The following ST3GAL4 variants were observed in gnomAD, a reference collection of about 807,000 sequenced individuals.
The protein encoded by ST3GAL4 is CMP-N-acetylneuraminate-beta-galactosamide-alpha-2,3-sialyltransferase 4.
Under a neutral mutation model 42.6 loss-of-function variants are expected in ST3GAL4, and 24 were observed. That is an observed-to-expected ratio of 0.56 (90% CI 0.41 to 0.79). The LOEUF (loss-of-function observed/expected upper bound fraction) is 0.79, where lower values mean the gene tolerates loss of function less well. ST3GAL4 is among the 30% of genes least tolerant of loss of function. The pLI is 0.00. For synonymous variants in ST3GAL4, 135 were observed against 163.2 expected (o/e 0.83, Z 1.32); for missense variants, 311 against 430.8 (o/e 0.72, Z 2.46).
In ST3GAL4 at chr11:126,378,965, A is replaced by G. The variant is rs781495361; in HGVS notation, c.-61+23123A>G. Among the ~76,000 whole-genome samples, 28 of 152,224 alleles carry G rather than the reference A, an allele frequency of 1.8e-4. No homozygotes were observed. Among genetic ancestry groups the G allele is most frequent in the Non-Finnish European group, 3.2e-4 (22 of 68,040 alleles). ...CACTGCCCAGATTTGGCCCAGTTCCATTCATGTTTTCTGTGCGTAGAGATA... is the reference window on the plus strand; with the variant it reads ...CACTGCCCAGATTTGGCCCAGTTCCGTTCATGTTTTCTGTGCGTAGAGATA... On this transcript the variant is annotated intron_variant, in intron 1 of 10. Transcript: ENST00000444328. This position sits in a 1 kb window ranked among gnomAD's most constrained non-coding sequence, Gnocchi z 5.3.
chr11:126,373,458 C>T lies in ST3GAL4; in HGVS notation c.-61+17616C>T, dbSNP rs1952726946. 6.6e-6 allele frequency among the ~76,000 whole-genome samples: 1 copy of T among 152,168 alleles called. No homozygotes were observed. Among genetic ancestry groups the T allele is most frequent in the Non-Finnish European group, 1.5e-5 (1 of 68,042 alleles). On this transcript the variant is annotated intron_variant, in intron 1 of 10. Transcript: ENST00000444328. The surrounding 1 kb of genome is among the most constrained non-coding windows in gnomAD (Gnocchi z 5.5). ...CTCCTCACACTGGCTTCAGCTTTCT[C>T]ACCCTCAGAATGGAATTCAAAGCCT...
At chr11:126,387,610 G>C (rs900892325) in intron 1 of ST3GAL4, among the ~76,000 whole-genome samples, 1 of 151,730 alleles carries the variant, frequency 6.6e-6, no homozygotes, top group Non-Finnish European at 1.5e-5. Context: ...CTGGTGGGTG[G>C]CTGCAGTGAG....
intron 1 of ST3GAL4, among the ~76,000 whole-genome samples, chr11:126,394,429 C>CT (rs1437858028): frequency 1.3e-5 from 2 of 152,166 alleles, no homozygotes; most frequent in Admixed American, 6.5e-5. Flanking sequence ...ATATGATTTT[C>CT]TTTTTTCTTT....
Position 126,414,179 on chromosome 11 carries a change from CT to C in ST3GAL4, c.*133del. On this transcript the variant is annotated 3_prime_UTR_variant, in exon 11 of 11. Coordinates refer to ENST00000444328, the MANE Select transcript of ST3GAL4 (RefSeq NM_001254757.2). Reference sequence around the variant, plus strand: ...CCCTCTTGGGGAGGGAGTTCTGGGCCTGGCCAGGTCTGAGATGAGGCCATGC... The same window carrying C: ...CCCTCTTGGGGAGGGAGTTCTGGGCCGGCCAGGTCTGAGATGAGGCCATGC... 1.2e-6 allele frequency: 1 copy of C among 836,562 alleles called. No homozygotes were observed. Among genetic ancestry groups the C allele is most frequent in the South Asian group, 1.5e-5 (1 of 66,980 alleles). 51.8% of individuals were successfully genotyped at this position (836,562 alleles called of 1,614,324 possible). A position where few individuals can be genotyped will look rare whatever the true frequency, so the allele number is the denominator to read the frequency against.
intron 1 of ST3GAL4, among the ~76,000 whole-genome samples, chr11:126,387,683 A>T (rs556497542): frequency 2.6e-5 from 4 of 152,222 alleles, no homozygotes; most frequent in African/African-American, 9.6e-5. Flanking sequence ...CAAAAAAAAA[A>T]AAAAAATTAT....
chr11:126,367,615 C>A (rs571238871), intron 1 of ST3GAL4, among the ~76,000 whole-genome samples: 1 of 152,316 alleles, frequency 6.6e-6, no homozygotes, highest in Non-Finnish European at 1.5e-5. Flanking sequence ...AGGCTCAGGA[C>A]ACCTCTGAGG....
intron 8 of ST3GAL4, 157 bp downstream of exon 8, chr11:126,408,653 C>G (rs1954381725): frequency 1.2e-6 from 1 of 863,814 alleles, no homozygotes; most frequent in Non-Finnish European, 1.7e-6. Flanking sequence ...AGGCTGCCCT[C>G]CAAGGGTGGT....
chr11:126,363,537 A>G lies in ST3GAL4; in HGVS notation c.-61+7695A>G, dbSNP rs1225910647. Among the ~76,000 whole-genome samples the G allele has an allele frequency of 1.3e-5, 2 of 152,154 alleles. No homozygotes were observed. Among genetic ancestry groups the G allele is most frequent in the African/African-American group, 4.8e-5 (2 of 41,428 alleles). On this transcript the variant is annotated intron_variant, in intron 1 of 10. Transcript: ENST00000444328. This position sits in a 1 kb window ranked among gnomAD's most constrained non-coding sequence, Gnocchi z 4.6. ...ATTTTCGAACAAAAATGGCTCTTCC[A>G]GGAGTTGAGTTTGGCGAAGAGACAG...
At position 126,411,515 on chromosome 11, in the gene ST3GAL4, G is replaced by T. The variant is rs906560119; in HGVS notation, c.772-1990G>T. Among the ~76,000 whole-genome samples, 8 of 152,084 alleles carry T rather than the reference G, an allele frequency of 5.3e-5. No individual in the cohort carries two copies. The highest frequency in any genetic ancestry group is 1.9e-4 in the African/African-American group (8 of 41,402). On this transcript the variant is annotated intron_variant, in intron 9 of 10. Transcript: ENST00000444328. The surrounding 1 kb of genome is among the most constrained non-coding windows in gnomAD (Gnocchi z 6.3). ...AACAATACCCATGTACTGGCTCATG[G>T]TCCTGTAGATCAGAACAGCAGGGTG...
chr11:126,357,062 C>T (rs1952095787), intron 1 of ST3GAL4, among the ~76,000 whole-genome samples: 1 of 152,232 alleles, frequency 6.6e-6, no homozygotes, highest in Non-Finnish European at 1.5e-5. Context: ...TGTTACTCTC[C>T]AAAGCTGCCC....
At position 126,391,386 on chromosome 11, in the gene ST3GAL4, G is replaced by A. The variant is rs1953506860; in HGVS notation, c.-60-14710G>A. Among the ~76,000 whole-genome samples, 1 of 152,158 alleles carries A rather than the reference G, an allele frequency of 6.6e-6. No individual in the cohort carries two copies. The highest frequency in any genetic ancestry group is 1.5e-5 in the Non-Finnish European group (1 of 68,040). On this transcript the variant is annotated intron_variant, in intron 1 of 10. Coordinates refer to ENST00000444328, the MANE Select transcript of ST3GAL4 (RefSeq NM_001254757.2). The surrounding 1 kb of genome is among the most constrained non-coding windows in gnomAD (Gnocchi z 5.5). ...CACTTAGCAACCTTGTGCCTGCTGA[G>A]TGGTGGAACAGTTCTGAAAAGGTCT...
At chr11:126,413,710 C>A in intron 10 of ST3GAL4, 62 bp downstream of exon 10, 3 of 1,599,832 alleles carry the variant, frequency 1.9e-6, no homozygotes, top group Non-Finnish European at 2.6e-6. Context: ...GTCAGAGGGG[C>A]ACTGGGTGAG....
chr11:126,360,549 G>C (rs1952210895), intron 1 of ST3GAL4, among the ~76,000 whole-genome samples: 1 of 152,112 alleles, frequency 6.6e-6, no homozygotes, highest in Admixed American at 6.5e-5. Context: ...TCAGCCTCCT[G>C]AGTAGCTGAG....
intron 1 of ST3GAL4, among the ~76,000 whole-genome samples, chr11:126,403,868 G>A (rs2135532310): frequency 6.6e-6 from 1 of 152,310 alleles, no homozygotes. Flanking sequence ...CACCCTCTGA[G>A]TCACGGCGTG....
In ST3GAL4 at chr11:126,413,382, T is replaced by C. The variant is rs80324993; in HGVS notation, c.772-123T>C. 6,378 of 1,283,620 alleles carry C rather than the reference T, an allele frequency of 5.0e-3. 231 individuals carry two copies. In the African/African-American group the frequency reaches 0.079, roughly 16 times the overall value. 79.5% of individuals were successfully genotyped at this position (1,283,620 alleles called of 1,614,324 possible). ...GTGCTCGTTAGCTCGTGGCTTGTCTTGTTGGACAGCGCAGATGGAGAACGT... is the reference window on the plus strand; with the variant it reads ...GTGCTCGTTAGCTCGTGGCTTGTCTCGTTGGACAGCGCAGATGGAGAACGT... On this transcript the variant is annotated intron_variant, in intron 9 of 10. Transcript: ENST00000444328.
At chr11:126,403,780 G>A (rs1183556155) in intron 1 of ST3GAL4, among the ~76,000 whole-genome samples, 2 of 152,166 alleles carry the variant, frequency 1.3e-5, no homozygotes, top group Non-Finnish European at 2.9e-5. Flanking sequence ...ACTCAAAAGA[G>A]TAGTTCTAGC....
In ST3GAL4 at chr11:126,406,277, C is replaced by T; in HGVS notation, c.16+106C>T. On this transcript the variant is annotated intron_variant, in intron 2 of 10. Transcript: ENST00000444328. This position sits in a 1 kb window ranked among gnomAD's most constrained non-coding sequence, Gnocchi z 5.4. ...GGCTGTGGAGGGACAGACAGGGAGC[C>T]AGGGGCCCTTCTCTTCATCTTGAAG... 3 of 1,547,028 alleles carry T rather than the reference C, an allele frequency of 1.9e-6. No individual in the cohort carries two copies. The highest frequency in any genetic ancestry group is 2.6e-6 in the Non-Finnish European group (3 of 1,145,476).
chr11:126,378,152 T>G lies in ST3GAL4; in HGVS notation c.-61+22310T>G, dbSNP rs1321609514. Among the ~76,000 whole-genome samples, 1 of 152,158 alleles carries G rather than the reference T, an allele frequency of 6.6e-6. No individual in the cohort carries two copies. The highest frequency in any genetic ancestry group is 1.9e-4 in the East Asian group (1 of 5,198). On this transcript the variant is annotated intron_variant, in intron 1 of 10. Coordinates refer to ENST00000444328, the MANE Select transcript of ST3GAL4 (RefSeq NM_001254757.2). The surrounding 1 kb of genome is among the most constrained non-coding windows in gnomAD (Gnocchi z 5.3). The stretch of plus-strand genomic sequence containing the variant: ...GGTAGAAGATAGCCCACACCACAGA[T>G]CCAGACTGGCTAGGTAGAACACCTT...
Position 126,383,106 on chromosome 11 carries a change from G to A in ST3GAL4, c.-60-22990G>A, listed in dbSNP as rs1953070730. ...GGGCAGCAGGCTCTGCAGTACCCTC[G>A]GCCAAATGGCCACAGGCTGCCCTGG... On this transcript the variant is annotated intron_variant, in intron 1 of 10. Transcript: ENST00000444328. The surrounding 1 kb of genome is among the most constrained non-coding windows in gnomAD (Gnocchi z 4.5). Among the ~76,000 whole-genome samples the A allele has an allele frequency of 1.3e-5, 2 of 152,172 alleles. No homozygotes were observed. The highest frequency in any genetic ancestry group is 2.1e-4 in the South Asian group (1 of 4,828).
Sources: allele counts gnomAD v4.1 joint callset (sites outside exome capture counted in the v4.1 genomes callset), GRCh38; gene constraint gnomAD v4.1.1; non-coding constraint Gnocchi (gnomAD v3.1); transcripts MANE v1.5; gene names NCBI Gene and HGNC (gene_info 2026-07-23, HGNC 2026-07-21).